Variants in CCDC171 observed in about 807,000 individuals in gnomAD.
CCDC171 encodes coiled-coil domain-containing protein 171.
A neutral mutation model predicts 168.2 loss-of-function variants in CCDC171; 177 were observed. The ratio of observed to expected loss-of-function variants is 1.05; its 90% CI spans 0.93 to 1.19. The LOEUF (loss-of-function observed/expected upper bound fraction) is 1.19, where lower values mean the gene tolerates loss of function less well. Among genes scored for constraint, CCDC171 ranks in the 50% most tolerant of loss-of-function variants. CCDC171 has a pLI of 0.00. For missense variants in CCDC171, 1,991 were observed against 1,539.0 expected (o/e 1.29, Z -4.91); for synonymous variants, 687 against 540.8 (o/e 1.27, Z -3.75).
rs551442591 is a variant in CCDC171, at chr9:15,964,592, A to G, written c.3754-7017A>G. On this transcript the variant is annotated intron_variant, in intron 25 of 25. Transcript: ENST00000380701. ...ACAAGGGTATGAAGAACACTGGGAA[A>G]AGAAAGAACAAAAGCCACCTGGGAG... Among the ~76,000 whole-genome samples the G allele has an allele frequency of 2.6e-5, 4 of 152,258 alleles. No individual in the cohort carries two copies. The East Asian group carries it at 7.7e-4, about 29-fold the overall frequency.
intron 7 of CCDC171, among the ~76,000 whole-genome samples, chr9:15,632,281 C>T (rs544970322): frequency 1.6e-3 from 240 of 151,498 alleles, no homozygotes; most frequent in Non-Finnish European, 2.2e-3. Flanking sequence ...CCCATCGTCT[C>T]AGCCCAAAAT....
At chr9:15,571,531 T>C (rs1354376207) in intron 2 of CCDC171, 93 bp from the exon 3 acceptor site, 8 of 1,085,476 alleles carry the variant, frequency 7.4e-6, no homozygotes, top group African/African-American at 1.7e-5. Context: ...GTTCTCTTTG[T>C]TTTTTGAAAA....
At chr9:16,103,915 C>A in the CCDC171 span, among the ~76,000 whole-genome samples, 1 of 152,168 alleles carries the variant, frequency 6.6e-6, no homozygotes, top group Admixed American at 6.5e-5. Flanking sequence ...TCAATAAAAA[C>A]CAGCTTTCTC....
chr9:15,673,281 A>G (rs547324711), intron 9 of CCDC171, among the ~76,000 whole-genome samples: 2 of 152,346 alleles, frequency 1.3e-5, no homozygotes, highest in East Asian at 1.9e-4. Context: ...TAAATATACA[A>G]TCATGTCATC....
intron 9 of CCDC171, among the ~76,000 whole-genome samples, chr9:15,675,334 A>G (rs1434588949): frequency 2.0e-5 from 3 of 151,800 alleles, no homozygotes; most frequent in Admixed American, 2.0e-4. Context: ...GCAATTTGCC[A>G]GTCTGTGTCT....
Position 15,571,743 on chromosome 9 carries a change from C to T in CCDC171, c.161C>T (p.Thr54Ile). Reference protein sequence around the residue: ...WAKKEKLEITTKHNAELASYE... With the variant: ...WAKKEKLEITIKHNAELASYE... ...AAAAAAGAAAAGTTAGAAATAACAA[C>T]CAAACACAATGCAGAGGTACGATTT... Residue 54 changes from threonine (T) to isoleucine (I), a missense_variant, in exon 3 of 26, where the codon ACC becomes ATC. Transcript: ENST00000380701. 3.2e-6 allele frequency: 5 copies of T among 1,584,520 alleles called. No homozygotes were observed. Among genetic ancestry groups the T allele is most frequent in the Non-Finnish European group, 4.3e-6 (5 of 1,172,612 alleles).
intron 1 of CCDC171, among the ~76,000 whole-genome samples, chr9:15,560,068 C>T (rs1410974360): frequency 3.3e-5 from 5 of 152,182 alleles, no homozygotes; most frequent in Non-Finnish European, 7.4e-5. Context: ...CCCTCACTCT[C>T]TTCTGGCTTG....
intron 3 of CCDC171, among the ~76,000 whole-genome samples, chr9:16,018,106 C>CTTCTCAGTG (rs1833074693): frequency 6.6e-6 from 1 of 151,942 alleles, no homozygotes; most frequent in African/African-American, 2.4e-5. Context: ...GCAGGAAGAC[C>CTTCTCAGTG]CCTGAGAAGG....
chr9:16,008,668 T>C (rs1323697181), intron 3 of CCDC171, among the ~76,000 whole-genome samples: 5 of 152,176 alleles, frequency 3.3e-5, no homozygotes, highest in Admixed American at 2.6e-4. Flanking sequence ...CTTGCATCGC[T>C]GGGCCCCAGG....
intron 25 of CCDC171, among the ~76,000 whole-genome samples, chr9:15,951,905 G>A (rs1251767197): frequency 3.3e-5 from 5 of 152,070 alleles, no homozygotes; most frequent in African/African-American, 1.2e-4. Flanking sequence ...TTTGTTGCCT[G>A]TGCCTGTTGT....
At chr9:16,071,853 G>A in the CCDC171 span, among the ~76,000 whole-genome samples, 1 of 152,044 alleles carries the variant, frequency 6.6e-6, no homozygotes, top group Non-Finnish European at 1.5e-5. Flanking sequence ...CCTCTTACCT[G>A]GCTTTCTAAT....
Position 15,784,699 on chromosome 9 carries a change from G to T in CCDC171, c.3267+5G>T, listed in dbSNP as rs1188646807. 6.2e-7 allele frequency: 1 copy of T among 1,603,328 alleles called. No individual in the cohort carries two copies. Among genetic ancestry groups the T allele is most frequent in the Admixed American group, 1.7e-5 (1 of 59,470 alleles). ...ACTCTTGGAGAAGCTGTTAAGGTAA[G>T]AGAATAAAGGGATATTTGCATAAAG... On this transcript the variant is annotated splice_donor_5th_base_variant and intron_variant, in intron 21 of 25. Transcript: ENST00000380701.
At chr9:16,031,452 A>T (rs748949684) in intron 6 of CCDC171, among the ~76,000 whole-genome samples, 3 of 152,228 alleles carry the variant, frequency 2.0e-5, no homozygotes, top group Non-Finnish European at 4.4e-5. Context: ...TTCACTGTAG[A>T]TGTTGGCAAT....
In CCDC171 at chr9:15,874,629, G is replaced by T. The variant is rs140656688; in HGVS notation, c.3566G>T (p.Gly1189Val). 6.2e-7 allele frequency: 1 copy of T among 1,601,728 alleles called. No individual in the cohort carries two copies. Among genetic ancestry groups the T allele is most frequent in the African/African-American group, 1.3e-5 (1 of 74,176 alleles). Residue 1189 changes from glycine to valine, a missense_variant, in exon 24 of 26, where the codon GGG (glycine) becomes GTG (valine). By Grantham distance (109) the Gly-to-Val change is moderately radical. Coordinates refer to ENST00000380701, the MANE Select transcript of CCDC171 (RefSeq NM_173550.4). ...KLHLETFAMEGLKGGPEVVAC... is the reference protein window; with the variant it reads ...KLHLETFAMEVLKGGPEVVAC... ...CACCTGGAGACCTTTGCAATGGAGG[G>T]GCTCAAGGGCGGGCCAGAGGTGGTA... is the stretch of plus-strand genomic sequence containing the variant.
rs186802141 is a variant in CCDC171, at chr9:15,818,717, T to A, written c.3268-27985T>A. Among the ~76,000 whole-genome samples the A allele has an allele frequency of 4.3e-4, 51 of 118,012 alleles. 13 individuals are homozygous for A. Among genetic ancestry groups the A allele is most frequent in the Admixed American group, 4.1e-3 (51 of 12,518 alleles). The allele number at this position is 118,012 out of a possible 152,430, so 77.4% of individuals were successfully genotyped here. A position where few individuals can be genotyped will look rare whatever the true frequency, so the allele number is the denominator to read the frequency against. On this transcript the variant is annotated intron_variant, in intron 21 of 25. Transcript: ENST00000380701. ...GTGGAAAGACCACATCTACGTCTGA[T>A]TGGTGTACCTGAAAGTGACAGGGAG...
chr9:16,083,393 T>A, the CCDC171 span, among the ~76,000 whole-genome samples: 1 of 152,190 alleles, frequency 6.6e-6, no homozygotes, highest in African/African-American at 2.4e-5. Context: ...TTCTACTCTC[T>A]TTCTACCACA....
intron 23 of CCDC171, among the ~76,000 whole-genome samples, chr9:15,865,849 C>CGTGT (rs71325944): frequency 0.04 from 5,883 of 147,532 alleles, 145 homozygotes; most frequent in Middle Eastern, 0.09. Context: ...ACTCTGCGTG[C>CGTGT]GTGTGTGTGT....
At chr9:16,002,609 A>G (rs1428792828) in intron 3 of CCDC171, among the ~76,000 whole-genome samples, 2 of 152,210 alleles carry the variant, frequency 1.3e-5, no homozygotes, top group African/African-American at 2.4e-5. Flanking sequence ...TATTGAAGAA[A>G]GAAAAGTATT....
intron 18 of CCDC171, among the ~76,000 whole-genome samples, chr9:15,772,568 G>T (rs958300597): frequency 6.6e-6 from 1 of 152,194 alleles, no homozygotes; most frequent in Non-Finnish European, 1.5e-5. Flanking sequence ...CTTAAAAGGA[G>T]TTGCATATAA....
Sources: gnomAD v4.1 joint callset for allele counts (sites outside exome capture counted in the v4.1 genomes callset) on GRCh38, gnomAD v4.1.1 for gene constraint, MANE v1.5 for transcripts, NCBI Gene and HGNC (gene_info 2026-07-23, HGNC 2026-07-21) for gene names.